Variants in ARHGAP32 observed in about 807,000 individuals in gnomAD.
The protein encoded by ARHGAP32 is rho GTPase-activating protein 32.
In ARHGAP32, 51 loss-of-function variants were observed where a neutral mutation model predicts 186.5. The ratio of observed to expected loss-of-function variants is 0.27; its 90% confidence interval spans 0.22 to 0.35. The LOEUF (loss-of-function observed/expected upper bound fraction) is 0.35, where lower values mean the gene tolerates loss of function less well. ARHGAP32 is among the 10% of genes least tolerant of loss of function. ARHGAP32 has a pLI of 1.00. For missense variants in ARHGAP32, 2,186 were observed against 2,623.5 expected, an observed-to-expected ratio of 0.83 and a Z score of 3.64; for synonymous variants, 950 against 964.3, an observed-to-expected ratio of 0.99 and a Z score of 0.27.
At chr11:129,080,067 T>C (rs1327668885) in intron 6 of ARHGAP32, among the ~76,000 whole-genome samples, 1 of 152,138 alleles carries the variant, frequency 6.6e-6, no homozygotes, top group African/African-American at 2.4e-5. Context: ...ATCCTAAATA[T>C]ATATGCACCT....
At chr11:129,141,058 TGCACTGCACA>T (rs1943041257) in intron 2 of ARHGAP32, among the ~76,000 whole-genome samples, 2 of 152,218 alleles carry the variant, frequency 1.3e-5, no homozygotes, top group Admixed American at 1.3e-4. Flanking sequence ...AAGTTTCACC[TGCACTGCACA>T]GCACCTTAAT....
At chr11:129,003,445 T>C (rs938535750) in intron 11 of ARHGAP32, among the ~76,000 whole-genome samples, 1 of 152,194 alleles carries the variant, frequency 6.6e-6, no homozygotes, top group Non-Finnish European at 1.5e-5. Flanking sequence ...ATAGTTAGAG[T>C]ACAATTGGTA....
At chr11:129,026,610 A>G (rs1938859011) in intron 11 of ARHGAP32, among the ~76,000 whole-genome samples, 1 of 151,994 alleles carries the variant, frequency 6.6e-6, no homozygotes, top group African/African-American at 2.4e-5. Flanking sequence ...CCTGGCCAAT[A>G]TGGTGAAACC....
intron 11 of ARHGAP32, among the ~76,000 whole-genome samples, chr11:129,029,456 C>T (rs1939001054): frequency 2.6e-5 from 4 of 152,102 alleles, no homozygotes; most frequent in African/African-American, 9.7e-5. Context: ...TCAGCAAATC[C>T]TACTTGTGAA....
At chr11:129,220,752 T>C (rs1357553394) in intron 1 of ARHGAP32, among the ~76,000 whole-genome samples, 10 of 152,196 alleles carry the variant, frequency 6.6e-5, no homozygotes, top group Admixed American at 6.5e-4. Flanking sequence ...TGTAGGTGAT[T>C]CTCTTACATT....
At chr11:129,114,240 C>G (rs945878692) in intron 5 of ARHGAP32, among the ~76,000 whole-genome samples, 2 of 152,092 alleles carry the variant, frequency 1.3e-5, no homozygotes, top group Non-Finnish European at 2.9e-5. Context: ...AAAACACAAG[C>G]ACCTTTGTCT....
At chr11:129,224,400 A>AG (rs1257788937) in intron 1 of ARHGAP32, among the ~76,000 whole-genome samples, 1 of 152,208 alleles carries the variant, frequency 6.6e-6, no homozygotes, top group Non-Finnish European at 1.5e-5. Context: ...CAGTGAAAAC[A>AG]GTAGAGTGAG....
chr11:129,067,580 C>A (rs1260012820), intron 6 of ARHGAP32, among the ~76,000 whole-genome samples: 5 of 152,048 alleles, frequency 3.3e-5, no homozygotes, highest in African/African-American at 1.2e-4. Flanking sequence ...CTCCCCTGCA[C>A]CCCCAACTAC....
intron 1 of ARHGAP32, among the ~76,000 whole-genome samples, chr11:129,172,091 A>G (rs1398193998): frequency 1.3e-5 from 2 of 152,142 alleles, no homozygotes; most frequent in African/African-American, 4.8e-5. Context: ...GGTTTTCTAA[A>G]TATAAAATCA....
Position 128,972,689 on chromosome 11 carries a change from C to T in ARHGAP32, c.3817G>A (p.Ala1273Thr). The T allele has an allele frequency of 1.2e-6, 2 of 1,614,032 alleles. No homozygotes were observed. Among genetic ancestry groups the T allele is most frequent in the South Asian group, 1.1e-5 (1 of 91,070 alleles). Reference sequence around the variant, plus strand: ...GTAGTTGTCATGTAAGTCATGGTGGCTGTGCTGGTATTCTCTTCGGGGGAC... The same window carrying T: ...GTAGTTGTCATGTAAGTCATGGTGGTTGTGCTGGTATTCTCTTCGGGGGAC... Reference protein sequence around the residue: ...SGSPEENTSTATMTYMTTTPA... With the variant: ...SGSPEENTSTTTMTYMTTTPA... The change falls in exon 22 of 23, where the codon GCC (alanine) becomes ACC (threonine). Residue 1273 changes from alanine to threonine, a missense_variant. By Grantham distance (58) the Ala-to-Thr change is moderately conservative. This residue lies in a region of ARHGAP32 where 1,502 missense variants were observed against 1,570.0 expected (regional missense o/e 0.96). Coordinates refer to ENST00000682385, the MANE Select transcript of ARHGAP32 (RefSeq NM_001378024.1).
At chr11:129,027,412 C>T (rs1938907395) in intron 11 of ARHGAP32, among the ~76,000 whole-genome samples, 1 of 152,148 alleles carries the variant, frequency 6.6e-6, no homozygotes, top group Non-Finnish European at 1.5e-5. Context: ...AAAGCCAAAA[C>T]CCCTATGGTG....
intron 5 of ARHGAP32, among the ~76,000 whole-genome samples, chr11:129,102,602 C>T (rs1235984744): frequency 6.6e-6 from 1 of 152,134 alleles, no homozygotes; most frequent in Non-Finnish European, 1.5e-5. Context: ...CCAGTAAGCA[C>T]ACAAAAAGAT....
intron 11 of ARHGAP32, among the ~76,000 whole-genome samples, chr11:129,022,378 T>C (rs1938634627): frequency 2.0e-5 from 3 of 152,124 alleles, no homozygotes. Context: ...GTGGGTTTTG[T>C]TTTGTTTTGC....
At chr11:128,996,467 TTTTG>T (rs1422926764) in intron 12 of ARHGAP32, among the ~76,000 whole-genome samples, 1 of 152,218 alleles carries the variant, frequency 6.6e-6, no homozygotes, top group Non-Finnish European at 1.5e-5. Flanking sequence ...TCTTCATGTT[TTTTG>T]TTTAAATCTG....
chr11:129,212,008 GGCAGGCAT>G (rs368200355), intron 1 of ARHGAP32, among the ~76,000 whole-genome samples: 2 of 151,980 alleles, frequency 1.3e-5, no homozygotes, highest in African/African-American at 2.4e-5. Context: ...TATAAAATTA[GGCAGGCAT>G]GCCTGGTGCA....
chr11:128,990,245 G>C (rs1007607430), intron 12 of ARHGAP32, among the ~76,000 whole-genome samples: 1 of 152,120 alleles, frequency 6.6e-6, no homozygotes, highest in Non-Finnish European at 1.5e-5. Flanking sequence ...AGTAGAGGTG[G>C]CTGAGCACTG....
chr11:129,026,021 A>T (rs1432197262), intron 11 of ARHGAP32, among the ~76,000 whole-genome samples: 1 of 151,852 alleles, frequency 6.6e-6, no homozygotes. Flanking sequence ...TGTGTGTGGG[A>T]GATTAATGAT....
At chr11:129,136,506 A>T (rs1942937823) in intron 2 of ARHGAP32, among the ~76,000 whole-genome samples, 1 of 152,158 alleles carries the variant, frequency 6.6e-6, no homozygotes, top group Admixed American at 6.5e-5. Flanking sequence ...TACCTAAATA[A>T]CAAAGTAAAT....
chr11:129,050,996 T>A (rs964019391), intron 10 of ARHGAP32, among the ~76,000 whole-genome samples: 2 of 152,230 alleles, frequency 1.3e-5, no homozygotes, highest in African/African-American at 4.8e-5. Flanking sequence ...GGCTGCATAG[T>A]ATTCCATGGT....
Sources: gnomAD v4.1 joint callset for allele counts (sites outside exome capture counted in the v4.1 genomes callset) on GRCh38, gnomAD v4.1.1 for gene constraint, gnomAD v4.1.1 regional missense constraint, MANE v1.5 for transcripts, NCBI Gene and HGNC (gene_info 2026-07-23, HGNC 2026-07-21) for gene names.